Variants in RARS2 observed in about 807,000 individuals in gnomAD.
RARS2 encodes the protein probable arginine--tRNA ligase, mitochondrial.
In RARS2, 67 loss-of-function variants were observed where a neutral mutation model predicts 88.5. The observed-to-expected ratio is 0.76, with a 90% CI of 0.62 to 0.93. The LOEUF is 0.93. Among genes scored for constraint, RARS2 ranks in the 40% least tolerant of loss-of-function variants. The pLI is 0.00. For missense variants in RARS2, 664 were observed against 684.2 expected (o/e 0.97, Z 0.33); for synonymous variants, 239 against 230.3 (o/e 1.04, Z -0.34).
chr6:87,556,469 C>T (rs962438387), intron 4 of RARS2, among the ~76,000 whole-genome samples: 3 of 151,940 alleles, frequency 2.0e-5, no homozygotes, highest in African/African-American at 7.3e-5. Context: ...CAGGTACATG[C>T]TACCACACCC....
chr6:87,561,287 T>G (rs1351738331), intron 4 of RARS2, among the ~76,000 whole-genome samples: 3 of 152,174 alleles, frequency 2.0e-5, no homozygotes, highest in Admixed American at 6.5e-5. Context: ...TTTATGTGAT[T>G]TTGTTCCCAA....
intron 11 of RARS2, among the ~76,000 whole-genome samples, chr6:87,522,158 C>T (rs1026444618): frequency 7.9e-5 from 12 of 151,848 alleles, no homozygotes; most frequent in African/African-American, 2.4e-4. Context: ...GGTGAAACCC[C>T]GTCTCTACTA....
At chr6:87,553,552 T>A (rs990686426) in intron 5 of RARS2, among the ~76,000 whole-genome samples, 1 of 152,228 alleles carries the variant, frequency 6.6e-6, no homozygotes, top group Non-Finnish European at 1.5e-5. Context: ...CCAATGTAGA[T>A]GATGTAAACA....
intron 1 of RARS2, among the ~76,000 whole-genome samples, chr6:87,574,573 GGA>G (rs1770797893): frequency 6.6e-6 from 1 of 152,116 alleles, no homozygotes; most frequent in African/African-American, 2.4e-5. Flanking sequence ...ACAAAAATAG[GGA>G]GAGAGAGAAT....
intron 12 of RARS2, among the ~76,000 whole-genome samples, chr6:87,520,839 T>G (rs1773592376): frequency 6.6e-6 from 1 of 152,148 alleles, no homozygotes; most frequent in African/African-American, 2.4e-5. Context: ...TGCCAGGGGT[T>G]AGGATTGGGT....
At chr6:87,560,482 C>T (rs1211761079) in intron 4 of RARS2, among the ~76,000 whole-genome samples, 1 of 152,128 alleles carries the variant, frequency 6.6e-6, no homozygotes, top group Non-Finnish European at 1.5e-5. Flanking sequence ...AAGTTTGGTA[C>T]CAAAGTGACA....
At chr6:87,577,658 C>T (rs139414342) in intron 1 of RARS2, among the ~76,000 whole-genome samples, 1 of 152,156 alleles carries the variant, frequency 6.6e-6, no homozygotes, top group Non-Finnish European at 1.5e-5. Flanking sequence ...ATAAAATGAA[C>T]AGTAGAGGTT....
chr6:87,521,657 C>A (rs1361186907), intron 11 of RARS2, 133 bp from the exon 12 acceptor site: 1 of 659,606 alleles, frequency 1.5e-6, no homozygotes, highest in Non-Finnish European at 2.7e-6. Context: ...ATTCCACCCA[C>A]ACTTAGATAA....
In RARS2 at chr6:87,518,853, T is replaced by G. The variant is rs1331101813; in HGVS notation, c.1276A>C (p.Arg426=). The change falls in exon 15 of 20, where the codon AGG becomes CGG. Residue 426 remains arginine, a synonymous_variant. Transcript: ENST00000369536. ...ELKNPQETAE[R]VGLAALIIQD... ...ATAATGAGTGCTGCGAGCCCGACCC[T>G]CTCTGCAGTCTCTTGTGGGTTCTTG... 1.2e-6 allele frequency: 2 copies of G among 1,614,052 alleles called. No individual in the cohort carries two copies. Among genetic ancestry groups the G allele is most frequent in the Admixed American group, 3.3e-5 (2 of 60,010 alleles).
At chr6:87,522,930 A>G (rs543529050) in intron 11 of RARS2, among the ~76,000 whole-genome samples, 2 of 152,322 alleles carry the variant, frequency 1.3e-5, no homozygotes, top group East Asian at 3.9e-4. Flanking sequence ...CTTATTCTTC[A>G]TGCATAAACC....
chr6:87,548,621 G>T lies in RARS2; in HGVS notation c.421C>A (p.His141Asn). The T allele has an allele frequency of 6.2e-7, 1 of 1,613,134 alleles. No homozygotes were observed. The highest frequency in any genetic ancestry group is 1.1e-5 in the South Asian group (1 of 91,012). ...FSSPNVAKKF[H>N]VGHLRSTIIG... ...ATGGTAGAACGCAAATGTCCAACATGAAATTTTTTGGCAACATTAGGTGAA... is the reference window on the plus strand; with the variant it reads ...ATGGTAGAACGCAAATGTCCAACATTAAATTTTTTGGCAACATTAGGTGAA... The change falls in exon 6 of 20, where the codon CAT (histidine) becomes AAT (asparagine). Residue 141 changes from histidine to asparagine, a missense_variant. By Grantham distance (68) the His-to-Asn change is moderately conservative. Coordinates refer to ENST00000369536, the MANE Select transcript of RARS2 (RefSeq NM_020320.5).
At chr6:87,552,456 G>A (rs945327912) in intron 5 of RARS2, among the ~76,000 whole-genome samples, 3 of 152,156 alleles carry the variant, frequency 2.0e-5, no homozygotes, top group Non-Finnish European at 2.9e-5. Context: ...GCTGCTAGGA[G>A]ATAGACAGGC....
chr6:87,557,723 C>T (rs1786428894), intron 4 of RARS2, among the ~76,000 whole-genome samples: 1 of 152,156 alleles, frequency 6.6e-6, no homozygotes, highest in South Asian at 2.1e-4. Context: ...ATCCTCTTTC[C>T]TTGGTTGTAA....
At chr6:87,536,043 T>A (rs1779063094) in intron 8 of RARS2, among the ~76,000 whole-genome samples, 1 of 152,106 alleles carries the variant, frequency 6.6e-6, no homozygotes, top group South Asian at 2.1e-4. Flanking sequence ...TTTATTGGCA[T>A]GATATTTATC....
chr6:87,556,047 A>G (rs1785769881), intron 4 of RARS2, among the ~76,000 whole-genome samples: 1 of 152,254 alleles, frequency 6.6e-6, no homozygotes. Context: ...TAACTGCTGC[A>G]TGCTGCTGCA....
At chr6:87,555,947 T>C (rs1166505228) in intron 4 of RARS2, among the ~76,000 whole-genome samples, 4 of 152,206 alleles carry the variant, frequency 2.6e-5, no homozygotes, top group African/African-American at 7.2e-5. Context: ...ACGACAGCCA[T>C]AGAGGTAAGA....
chr6:87,521,433 G>A, intron 12 of RARS2, 31 bp downstream of exon 12: 1 of 1,508,920 alleles, frequency 6.6e-7, no homozygotes, highest in Non-Finnish European at 9.2e-7. Context: ...CATGAGTTAA[G>A]AGATCATAAC....
At position 87,518,644 on chromosome 6, in the gene RARS2, G is replaced by A. The variant is rs370940168; in HGVS notation, c.1401C>T (p.His467=). ...GDTGVFLQYT[H]ARLHSLEETF... ...CCTCTTCTCACCTGTGGAGGCGGGC[G>A]TGTGTGTACTGTAGGAAGACTCCTG... is the stretch of plus-strand genomic sequence containing the variant. Residue 467 remains histidine, a synonymous_variant, in exon 16 of 20, where the codon CAC becomes CAT. Coordinates refer to ENST00000369536, the MANE Select transcript of RARS2 (RefSeq NM_020320.5). 44 of 1,612,654 alleles carry A rather than the reference G, an allele frequency of 2.7e-5. No individual in the cohort carries two copies. The highest frequency in any genetic ancestry group is 4.4e-5 in the South Asian group (4 of 91,038).
chr6:87,548,518 A>G, intron 6 of RARS2, 73 bp downstream of exon 6: 1 of 1,439,348 alleles, frequency 6.9e-7, no homozygotes, highest in South Asian at 1.2e-5. Context: ...TTTAAGCATT[A>G]AAACATTAAA....
Sources: gnomAD v4.1 joint callset for allele counts (sites outside exome capture counted in the v4.1 genomes callset) on GRCh38, gnomAD v4.1.1 for gene constraint, MANE v1.5 for transcripts, NCBI Gene and HGNC (gene_info 2026-07-23, HGNC 2026-07-21) for gene names.